DDX10: variants seen among roughly 807,000 people sequenced by gnomAD.
DDX10 encodes the protein DEAD-box helicase 10.
In DDX10, 74 loss-of-function variants were observed where a neutral mutation model predicts 104.3. That is an observed-to-expected ratio of 0.71 (90% CI 0.59 to 0.86). The LOEUF (loss-of-function observed/expected upper bound fraction) is 0.86, where lower values mean the gene tolerates loss of function less well. Ranked by LOEUF, DDX10 falls within the 40% of genes least tolerant of loss-of-function variation. The pLI is 0.00. For synonymous variants in DDX10, 351 were observed against 353.4 expected, an observed-to-expected ratio of 0.99 and a Z score of 0.08; for missense variants, 952 against 1,040.0, an observed-to-expected ratio of 0.92 and a Z score of 1.16.
chr11:108,878,749 T>C (rs1252204792), intron 16 of DDX10, among the ~76,000 whole-genome samples: 58 of 151,934 alleles, frequency 3.8e-4, no homozygotes, highest in Admixed American at 3.8e-3. Flanking sequence ...CAAGGCCATA[T>C]GTTAGTGCAA....
intron 13 of DDX10, among the ~76,000 whole-genome samples, chr11:108,765,448 C>T (rs2094355339): frequency 6.6e-6 from 1 of 152,170 alleles, no homozygotes; most frequent in Non-Finnish European, 1.5e-5. Flanking sequence ...GACTAGATGA[C>T]AAGAGACTAT....
At position 108,665,325 on chromosome 11, in the gene DDX10, C is replaced by A; in HGVS notation, c.172C>A (p.Gln58Lys). 1 of 1,594,154 alleles carries A rather than the reference C, an allele frequency of 6.3e-7. No individual in the cohort carries two copies. The highest frequency in any genetic ancestry group is 8.5e-7 in the Non-Finnish European group (1 of 1,171,658). The change falls in exon 1 of 18, where the codon CAG becomes AAG. Residue 58 changes from glutamine to lysine, a missense_variant. Coordinates refer to ENST00000322536, the MANE Select transcript of DDX10 (RefSeq NM_004398.4). ...VERESISRLM[Q>K]NYEKINVNEI... ...GCGCGAGAGTATCAGCCGCCTCATG[C>A]AGAACTATGAAAAGGTGAGGCCGGC...
chr11:108,838,570 G>T lies in DDX10; in HGVS notation c.2085+5G>T. The T allele has an allele frequency of 6.2e-7, 1 of 1,603,918 alleles. No homozygotes were observed. The highest frequency in any genetic ancestry group is 1.1e-5 in the South Asian group (1 of 89,134). On this transcript the variant is annotated splice_donor_5th_base_variant and intron_variant, in intron 14 of 17. Coordinates refer to ENST00000322536, the MANE Select transcript of DDX10 (RefSeq NM_004398.4). ...ACATTTACTGATGAAGGGGAGGTAA[G>T]ATTCTAGAAGTGTTTCATTTCTGAG...
intron 16 of DDX10, among the ~76,000 whole-genome samples, chr11:108,894,904 C>CT (rs1336797241): frequency 2.0e-5 from 3 of 151,634 alleles, no homozygotes; most frequent in Admixed American, 1.3e-4. Context: ...GCTTTTTTCC[C>CT]TTTTTTTTAA....
chr11:108,844,160 A>AT (rs904386174), intron 15 of DDX10, among the ~76,000 whole-genome samples: 244 of 148,482 alleles, frequency 1.6e-3, no homozygotes, highest in Middle Eastern at 3.5e-3. Flanking sequence ...GAGTCACAGT[A>AT]TTTTTTTTTT....
chr11:108,685,598 TGG>T (rs1177397899), intron 6 of DDX10, among the ~76,000 whole-genome samples: 1 of 152,206 alleles, frequency 6.6e-6, no homozygotes, highest in African/African-American at 2.4e-5. Context: ...TAGCAGGATC[TGG>T]TATATAAAGA....
intron 13 of DDX10, among the ~76,000 whole-genome samples, chr11:108,838,186 A>G (rs1420728744): frequency 2.0e-5 from 3 of 152,194 alleles, no homozygotes; most frequent in South Asian, 2.1e-4. Context: ...ATCAAATAGC[A>G]CAGTTCTAGT....
At chr11:108,883,390 A>G (rs757711588) in intron 16 of DDX10, among the ~76,000 whole-genome samples, 1 of 151,870 alleles carries the variant, frequency 6.6e-6, no homozygotes, top group Non-Finnish European at 1.5e-5. Flanking sequence ...AATCGTCCCA[A>G]CTGCAGTTTA....
chr11:108,701,794 C>G (rs1412486320), intron 9 of DDX10, among the ~76,000 whole-genome samples: 2 of 140,956 alleles, frequency 1.4e-5, no homozygotes, highest in Non-Finnish European at 3.0e-5. Flanking sequence ...TCAAGTGATT[C>G]TCTTGTCTCA....
At chr11:108,774,357 C>T (rs976445103) in intron 13 of DDX10, among the ~76,000 whole-genome samples, 1 of 152,184 alleles carries the variant, frequency 6.6e-6, no homozygotes, top group East Asian at 1.9e-4. Context: ...CCTTTTAACA[C>T]AGTATACCAT....
intron 16 of DDX10, among the ~76,000 whole-genome samples, chr11:108,914,449 G>C (rs1033047743): frequency 6.6e-6 from 1 of 152,094 alleles, no homozygotes; most frequent in Non-Finnish European, 1.5e-5. Flanking sequence ...ACAGGCTCAG[G>C]GGAGACCCAT....
At chr11:108,886,047 C>T (rs984589058) in intron 16 of DDX10, among the ~76,000 whole-genome samples, 7 of 152,124 alleles carry the variant, frequency 4.6e-5, no homozygotes, top group Non-Finnish European at 1.0e-4. Flanking sequence ...GAAGATACAG[C>T]AGTGGGAATA....
chr11:108,751,181 A>T (rs1236262489), intron 13 of DDX10, among the ~76,000 whole-genome samples: 1 of 151,912 alleles, frequency 6.6e-6, no homozygotes, highest in Non-Finnish European at 1.5e-5. Context: ...ATAGATGCTC[A>T]GAAGAGTTTA....
rs1365559081 is a variant in DDX10, at chr11:108,803,244, T to A, written c.1966-35202T>A. On this transcript the variant is annotated intron_variant, in intron 13 of 17. Coordinates refer to ENST00000322536, the MANE Select transcript of DDX10 (RefSeq NM_004398.4). ...CGGTCATTTCCACCCAGGTGAATAATATTACCTAGTAGCAATTTTTTTTTT... is the reference window on the plus strand; with the variant it reads ...CGGTCATTTCCACCCAGGTGAATAAAATTACCTAGTAGCAATTTTTTTTTT... Among the ~76,000 whole-genome samples, 4 of 149,698 alleles carry A rather than the reference T, an allele frequency of 2.7e-5. No individual in the cohort carries two copies. The East Asian group carries it at 7.8e-4, about 29-fold the overall frequency.
intron 16 of DDX10, among the ~76,000 whole-genome samples, chr11:108,864,588 C>G (rs1862983908): frequency 6.6e-6 from 1 of 151,952 alleles, no homozygotes; most frequent in South Asian, 2.1e-4. Context: ...ATTCTCCTGC[C>G]TCAGCCTCCT....
At chr11:108,669,738 C>T (rs1042369782) in intron 1 of DDX10, among the ~76,000 whole-genome samples, 8 of 152,130 alleles carry the variant, frequency 5.3e-5, no homozygotes, top group African/African-American at 1.7e-4. Flanking sequence ...ATTAGGTGGG[C>T]CCAATGTAAT....
chr11:108,855,998 T>G lies in DDX10; in HGVS notation c.2304+3789T>G, dbSNP rs573685923. 6.6e-5 allele frequency among the ~76,000 whole-genome samples: 10 copies of G among 152,348 alleles called. No individual in the cohort carries two copies. The South Asian group carries it at 2.1e-3, about 32-fold the overall frequency. On this transcript the variant is annotated intron_variant, in intron 16 of 17. Transcript: ENST00000322536. Reference sequence around the variant, plus strand: ...TTTTTATTTTTTGGTTTGTACTGTGTTTTTATTTATACTTAACAAATAGTG... The same window carrying G: ...TTTTTATTTTTTGGTTTGTACTGTGGTTTTATTTATACTTAACAAATAGTG...
intron 13 of DDX10, among the ~76,000 whole-genome samples, chr11:108,807,801 C>G (rs1478345192): frequency 6.6e-6 from 1 of 152,038 alleles, no homozygotes; most frequent in Non-Finnish European, 1.5e-5. Flanking sequence ...ATATCTTCTA[C>G]TAAAGTAGAA....
rs549345420 is a variant in DDX10, at chr11:108,798,138, C to G, written c.1966-40308C>G. ...AGCATTTTGATTGTATCATTTTGCC[C>G]CTAAACGTTCAATACTTACAGAAGA... On this transcript the variant is annotated intron_variant, in intron 13 of 17. Transcript: ENST00000322536. 7.2e-5 allele frequency among the ~76,000 whole-genome samples: 11 copies of G among 152,138 alleles called. No individual in the cohort carries two copies. In the South Asian group the frequency reaches 2.3e-3, roughly 32 times the overall value.
Sources: allele counts gnomAD v4.1 joint callset (sites outside exome capture counted in the v4.1 genomes callset), GRCh38; gene constraint gnomAD v4.1.1; transcripts MANE v1.5; gene names NCBI Gene and HGNC (gene_info 2026-07-23, HGNC 2026-07-21).